The following SARM1 variants were observed in gnomAD, a reference collection of about 807,000 sequenced individuals.
SARM1 encodes NAD(+) hydrolase SARM1.
In SARM1, 60 loss-of-function variants were observed where a neutral mutation model predicts 65.1. The observed-to-expected ratio is 0.92, with a 90% CI of 0.75 to 1.14. The LOEUF is 1.14. SARM1 is among the 50% of genes most tolerant of loss of function. The probability of loss-of-function intolerance (pLI) is 0.00; values close to 1 mark genes in which losing one functional copy is unlikely to be tolerated. For missense variants in SARM1, 913 were observed against 1,015.7 expected (o/e 0.90, Z 1.37); for synonymous variants, 417 against 465.4 (o/e 0.90, Z 1.34).
chr17:28,381,668 G>T lies in SARM1; in HGVS notation c.936G>T (p.Leu312=). 1 of 1,558,766 alleles carries T rather than the reference G, an allele frequency of 6.4e-7. No homozygotes were observed. Residue 312 remains leucine, a synonymous_variant, in exon 2 of 9, where the codon CTG becomes CTT. Transcript: ENST00000585482. ...ACCCTGGCCGCTTCGCCCGCTGTCT[G>T]GTGGACGCCAGCGACACAAGCCAGG... ...SLDPGRFARC[L]VDASDTSQGR... is the part of the protein sequence containing the mutation.
intron 7 of SARM1, among the ~76,000 whole-genome samples, chr17:28,390,678 T>TAA (rs1305269352): frequency 2.3e-5 from 3 of 129,984 alleles, no homozygotes; most frequent in African/African-American, 2.9e-5. Context: ...TTGGGCAAGA[T>TAA]AAAAAAAAAA....
rs199517604 is a variant in SARM1, at chr17:28,388,521, C to T, written c.1905C>T (p.Cys635=). The part of the protein sequence containing the change: ...ALDKCMQDHD[C]KDWVHKEIVT... The stretch of plus-strand genomic sequence containing the variant: ...ACAAGTGCATGCAAGACCATGACTG[C>T]AAGGATTGGGTGCATAAGGTAGGTG... The change falls in exon 7 of 9, where the codon TGC becomes TGT. Residue 635 remains cysteine (C), a synonymous_variant. Transcript: ENST00000585482. 2.6e-5 allele frequency: 42 copies of T among 1,613,434 alleles called. No homozygotes were observed. Among genetic ancestry groups the T allele is most frequent in the Non-Finnish European group, 3.6e-5 (42 of 1,179,874 alleles).
At position 28,385,758 on chromosome 17, in the gene SARM1, C is replaced by T. The variant is rs2068047760; in HGVS notation, c.1630+483C>T. 6.6e-6 allele frequency among the ~76,000 whole-genome samples: 1 copy of T among 152,194 alleles called. No homozygotes were observed. Among genetic ancestry groups the T allele is most frequent in the Non-Finnish European group, 1.5e-5 (1 of 68,034 alleles). On this transcript the variant is annotated intron_variant, in intron 5 of 8. Coordinates refer to ENST00000585482, the MANE Select transcript of SARM1 (RefSeq NM_015077.4). This position sits in a 1 kb window ranked among gnomAD's most constrained non-coding sequence, Gnocchi z 4.5. ...TGTTATCCTATTGGCCAACAGCTTA[C>T]AAAATTTGGGTCTAGAGGTGGTTTA...
intron 1 of SARM1, among the ~76,000 whole-genome samples, chr17:28,377,250 G>A (rs2067997131): frequency 6.6e-6 from 1 of 152,150 alleles, no homozygotes; most frequent in Non-Finnish European, 1.5e-5. Flanking sequence ...GTGTGACTCT[G>A]GGCATGTCAT....
intron 6 of SARM1, 26 bp from the exon 7 acceptor site, chr17:28,388,324 G>A (rs2068063510): frequency 6.2e-7 from 1 of 1,611,530 alleles, no homozygotes; most frequent in Non-Finnish European, 8.5e-7. Context: ...ACAAGGCTGT[G>A]GCACTGACAC....
chr17:28,372,700 G>A lies in SARM1; in HGVS notation c.470+198G>A, dbSNP rs1555584250. On this transcript the variant is annotated intron_variant, in intron 1 of 8. Transcript: ENST00000585482. This position sits in a 1 kb window ranked among gnomAD's most constrained non-coding sequence, Gnocchi z 5.2. ...GGGAAAGTTTAGTGACTTGCTCAGT[G>A]GATCACAGTGAACTAAGATTTGCTC... Among the ~76,000 whole-genome samples the A allele has an allele frequency of 6.6e-6, 1 of 152,216 alleles. No homozygotes were observed. The highest frequency in any genetic ancestry group is 1.5e-5 in the Non-Finnish European group (1 of 68,032).
At position 28,383,747 on chromosome 17, in the gene SARM1, G is replaced by A. The variant is rs949937534; in HGVS notation, c.1090-610G>A. On this transcript the variant is annotated intron_variant, in intron 2 of 8. Coordinates refer to ENST00000585482, the MANE Select transcript of SARM1 (RefSeq NM_015077.4). ...CTTATACTCCAGTGGAAGTTGCATC[G>A]TCAACCAGTGACAGTGGCATTCAGA... Among the ~76,000 whole-genome samples the A allele has an allele frequency of 7.2e-5, 11 of 152,192 alleles. 1 individual carries two copies. The highest frequency in any genetic ancestry group is 4.6e-4 in the Admixed American group (7 of 15,278).
Position 28,400,953 on chromosome 17 carries a change from G to A in SARM1, c.*4667G>A, listed in dbSNP as rs1236372003. 4.8e-6 allele frequency: 3 copies of A among 620,594 alleles called. No individual in the cohort carries two copies. The highest frequency in any genetic ancestry group is 4.3e-4 in the Middle Eastern group (1 of 2,344). 38.4% of individuals were successfully genotyped at this position (620,594 alleles called of 1,614,324 possible). A position where few individuals can be genotyped will look rare whatever the true frequency, so the allele number is the denominator to read the frequency against. ...TAAGGTCATATGTGGACAGTAGCTG[G>A]CACAGAGGGGCTACTAAACAAATGG... On this transcript the variant is annotated 3_prime_UTR_variant, in exon 9 of 9. Coordinates refer to ENST00000585482, the MANE Select transcript of SARM1 (RefSeq NM_015077.4).
intron 1 of SARM1, among the ~76,000 whole-genome samples, chr17:28,375,594 TAAAAA>T (rs201007293): frequency 1.1e-5 from 1 of 94,822 alleles, no homozygotes; most frequent in Non-Finnish European, 2.2e-5. Flanking sequence ...AGACTCCATC[TAAAAA>T]AAAAAAAAAA....
At position 28,381,286 on chromosome 17, in the gene SARM1, C is replaced by A; in HGVS notation, c.554C>A (p.Ala185Glu). ...CCCGTAGAGCTGGCGCGGAGCGTGG[C>A]AGGCATCTTGGAGCACATGTTCAAG... ...REPVELARSV[A>E]GILEHMFKHS... The change falls in exon 2 of 9, where the codon GCA becomes GAA. Residue 185 changes from alanine (A) to glutamate (E), a missense_variant. Ala to Glu is a moderately radical substitution (Grantham distance 107). Around this residue, in one of 3 missense-constraint regions of SARM1, gnomAD observed 862 missense variants for 952.1 expected, o/e 0.91. Coordinates refer to ENST00000585482, the MANE Select transcript of SARM1 (RefSeq NM_015077.4). 6.2e-7 allele frequency: 1 copy of A among 1,606,968 alleles called. No homozygotes were observed. The highest frequency in any genetic ancestry group is 1.7e-5 in the Admixed American group (1 of 58,960).
chr17:28,399,379 T>G lies in SARM1; in HGVS notation c.*3093T>G, dbSNP rs886052751. On this transcript the variant is annotated 3_prime_UTR_variant, in exon 9 of 9. Coordinates refer to ENST00000585482, the MANE Select transcript of SARM1 (RefSeq NM_015077.4). ...GGCCTGTGGGGTTATAAGTGATGGA[T>G]AGCAGAAAGGGAGAACTGACTCCTG... 15 of 469,018 alleles carry G rather than the reference T, an allele frequency of 3.2e-5. No homozygotes were observed. Among genetic ancestry groups the G allele is most frequent in the Non-Finnish European group, 5.4e-5 (14 of 257,080 alleles). The allele number at this position is 469,018 out of a possible 1,614,324, so 29.1% of individuals were successfully genotyped here. A position where few individuals can be genotyped will look rare whatever the true frequency, so the allele number is the denominator to read the frequency against.
chr17:28,395,854 G>T (rs2068114875), intron 7 of SARM1, 51 bp from the exon 8 acceptor site: 2 of 1,605,376 alleles, frequency 1.2e-6, no homozygotes, highest in Admixed American at 1.7e-5. Context: ...TGGCTACAAG[G>T]GTCCCTAGAT....
In SARM1 at chr17:28,402,408, C is replaced by T; in HGVS notation, c.*6122C>T. Reference sequence around the variant, plus strand: ...GGCAGCAGAGCTCCTATCCATACCCCACGTGGGGCTTAGGTTAGACCCAGG... The same window carrying T: ...GGCAGCAGAGCTCCTATCCATACCCTACGTGGGGCTTAGGTTAGACCCAGG... On this transcript the variant is annotated 3_prime_UTR_variant, in exon 9 of 9. Transcript: ENST00000585482. 1 of 1,182,454 alleles carries T rather than the reference C, an allele frequency of 8.5e-7. No individual in the cohort carries two copies. Among genetic ancestry groups the T allele is most frequent in the East Asian group, 2.5e-5 (1 of 39,954 alleles). The allele number at this position is 1,182,454 out of a possible 1,614,324, so 73.2% of individuals were successfully genotyped here.
At chr17:28,387,918 C>A (rs2068060222) in intron 5 of SARM1, 6 of 509,176 alleles carry the variant, frequency 1.2e-5, no homozygotes, top group Non-Finnish European at 2.1e-5. Flanking sequence ...GTCTGGAGTT[C>A]CAGAGAGAGG....
chr17:28,389,306 T>G (rs2068069154), intron 7 of SARM1, among the ~76,000 whole-genome samples: 1 of 152,212 alleles, frequency 6.6e-6, no homozygotes, highest in South Asian at 2.1e-4. Context: ...TGTGAAGTGC[T>G]TAGCAGAATG....
At position 28,371,929 on chromosome 17, in the gene SARM1, A is replaced by G. The variant is rs536415270; in HGVS notation, c.-104A>G. 84 of 806,216 alleles carry G rather than the reference A, an allele frequency of 1.0e-4. 1 individual carries two copies. The South Asian group carries it at 1.8e-3, about 17-fold the overall frequency. 49.9% of individuals were successfully genotyped at this position (806,216 alleles called of 1,614,324 possible). A position where few individuals can be genotyped will look rare whatever the true frequency, so the allele number is the denominator to read the frequency against. On this transcript the variant is annotated 5_prime_UTR_variant, in exon 1 of 9. Transcript: ENST00000585482. Reference sequence around the variant, plus strand: ...CCCTTCTCTCCATTCCTCCCCCTCCATCTTCTTTCCCCGACCCCTCTCGGG... The same window carrying G: ...CCCTTCTCTCCATTCCTCCCCCTCCGTCTTCTTTCCCCGACCCCTCTCGGG...
At chr17:28,391,707 CAAAAA>C (rs1206857097) in intron 7 of SARM1, among the ~76,000 whole-genome samples, 8 of 56,778 alleles carry the variant, frequency 1.4e-4, no homozygotes, top group African/African-American at 2.6e-4. Context: ...GCAATTGCAC[CAAAAA>C]AAAAAAAAAA....
intron 1 of SARM1, among the ~76,000 whole-genome samples, chr17:28,379,450 A>G (rs1237673254): frequency 6.6e-6 from 1 of 151,858 alleles, no homozygotes; most frequent in East Asian, 1.9e-4. Context: ...AGCTAGGACT[A>G]CAGGCACCCG....
chr17:28,395,738 A>T (rs1410887788), intron 7 of SARM1, 167 bp from the exon 8 acceptor site: 16 of 667,796 alleles, frequency 2.4e-5, no homozygotes, highest in Non-Finnish European at 4.0e-5. Flanking sequence ...AAAAATATTT[A>T]TTTTTTATTA....
Sources: gnomAD v4.1 joint callset for allele counts (sites outside exome capture counted in the v4.1 genomes callset) on GRCh38, gnomAD v4.1.1 for gene constraint, gnomAD v4.1.1 regional missense constraint, Gnocchi (gnomAD v3.1) non-coding constraint, MANE v1.5 for transcripts, NCBI Gene and HGNC (gene_info 2026-07-23, HGNC 2026-07-21) for gene names.